Variants in STX2 observed in about 807,000 individuals in gnomAD.
STX2 encodes syntaxin-2.
Under a neutral mutation model 40.6 loss-of-function variants are expected in STX2, and 27 were observed. The observed-to-expected ratio is 0.66, with a 90% CI of 0.49 to 0.92. The LOEUF is 0.92. Among genes scored for constraint, STX2 ranks in the 40% least tolerant of loss-of-function variants. STX2 has a pLI of 0.00. For missense variants in STX2, 328 were observed against 366.1 expected, an observed-to-expected ratio of 0.90 and a Z score of 0.85; for synonymous variants, 123 against 119.1, an observed-to-expected ratio of 1.03 and a Z score of -0.22.
chr12:130,827,085 GA>G (rs1952345207), intron 2 of STX2, 107 bp downstream of exon 2: 2 of 538,044 alleles, frequency 3.7e-6, no homozygotes, highest in African/African-American at 2.6e-5. Context: ...GAGGGGTGGG[GA>G]GGGGAGGGGA....
At chr12:130,799,813 C>A (rs1951157304) in intron 8 of STX2, among the ~76,000 whole-genome samples, 2 of 137,138 alleles carry the variant, frequency 1.5e-5, no homozygotes, top group African/African-American at 2.7e-5. Context: ...GACCCTGTCT[C>A]AAAAAAAAAA....
At chr12:130,796,925 CG>C (rs1461236139) in intron 9 of STX2, among the ~76,000 whole-genome samples, 1 of 152,142 alleles carries the variant, frequency 6.6e-6, no homozygotes, top group Non-Finnish European at 1.5e-5. Context: ...CACATGGCTC[CG>C]CGGGAATAAA....
chr12:130,792,276 G>A (rs1391914024), intron 10 of STX2, among the ~76,000 whole-genome samples: 1 of 152,130 alleles, frequency 6.6e-6, no homozygotes, highest in Non-Finnish European at 1.5e-5. Context: ...GGCCAGGATA[G>A]TCTCGATCTC....
At chr12:130,835,924 T>C (rs1952742666) in intron 1 of STX2, among the ~76,000 whole-genome samples, 2 of 149,056 alleles carry the variant, frequency 1.3e-5, no homozygotes, top group Non-Finnish European at 2.9e-5. Context: ...TCCACGTAAC[T>C]GTCAGAGGCA....
In STX2 at chr12:130,818,185, A is replaced by AAAAAAAAATATAT; in HGVS notation, c.205+3503_205+3504insATATATTTTTTTT. 1.6e-3 allele frequency among the ~76,000 whole-genome samples: 114 copies of AAAAAAAAATATAT among 70,494 alleles called. 1 individual carries two copies. The highest frequency in any genetic ancestry group is 8.5e-3 in the Middle Eastern group (1 of 118). 46.2% of individuals were successfully genotyped at this position (70,494 alleles called of 152,430 possible). A position where few individuals can be genotyped will look rare whatever the true frequency, so the allele number is the denominator to read the frequency against. On this transcript the variant is annotated intron_variant, in intron 3 of 10. Transcript: ENST00000392373. Reference sequence around the variant, plus strand: ...GCTGTTTCTACAAAAAAAAAAAAAAAATATATATATATATATATATATATA... The same window carrying AAAAAAAAATATAT: ...GCTGTTTCTACAAAAAAAAAAAAAAAAAAAAAAATATATATATATATATATATATATATATATA...
Position 130,795,153 on chromosome 12 carries a change from C to T in STX2, c.*45+842G>A, listed in dbSNP as rs142609674. ...ACAGGCATGCTAACTAAATATAATA[C>T]GTAATTTTCCTTTTAATATTAAAGG... is the stretch of plus-strand genomic sequence containing the variant. On this transcript the variant is annotated intron_variant, in intron 10 of 10. Transcript: ENST00000392373. Among the ~76,000 whole-genome samples the T allele has an allele frequency of 2.2e-4, 33 of 152,242 alleles. No homozygotes were observed. The East Asian group carries it at 2.5e-3, about 12-fold the overall frequency.
intron 1 of STX2, among the ~76,000 whole-genome samples, chr12:130,834,482 G>A (rs184099471): frequency 2.0e-5 from 3 of 152,312 alleles, no homozygotes; most frequent in Non-Finnish European, 2.9e-5. Flanking sequence ...TCCGGAGGCA[G>A]GAGCAAATCC....
chr12:130,812,158 A>G (rs943761208), intron 4 of STX2: 5 of 240,120 alleles, frequency 2.1e-5, no homozygotes, highest in Non-Finnish European at 3.3e-5. Context: ...TTGGGACTCA[A>G]TTCAAGCAAA....
At chr12:130,825,163 A>T (rs1952256151) in intron 2 of STX2, among the ~76,000 whole-genome samples, 1 of 151,808 alleles carries the variant, frequency 6.6e-6, no homozygotes, top group Non-Finnish European at 1.5e-5. Context: ...CAGCCTCCCA[A>T]GCAGCTGGGA....
At chr12:130,823,987 G>C (rs918902233) in intron 2 of STX2, among the ~76,000 whole-genome samples, 2 of 152,150 alleles carry the variant, frequency 1.3e-5, no homozygotes, top group African/African-American at 4.8e-5. Context: ...GATCATCTTA[G>C]TATTACTTTG....
At chr12:130,800,262 G>A (rs1028100163) in intron 8 of STX2, among the ~76,000 whole-genome samples, 5 of 151,756 alleles carry the variant, frequency 3.3e-5, no homozygotes, top group South Asian at 2.1e-4. Context: ...TTTACATGGA[G>A]AGTTCAATAT....
chr12:130,819,242 G>A (rs1026475919), intron 3 of STX2, among the ~76,000 whole-genome samples: 7 of 152,194 alleles, frequency 4.6e-5, no homozygotes, highest in African/African-American at 1.4e-4. Flanking sequence ...CCTGCTCACC[G>A]GGACCTAAGC....
rs1028864526 is a variant in STX2 at position 130,791,798 on chromosome 12, C to A, written c.*225G>T. 3.8e-6 allele frequency: 4 copies of A among 1,044,128 alleles called. No individual in the cohort carries two copies. The highest frequency in any genetic ancestry group is 3.9e-5 in the Admixed American group (2 of 50,956). 64.7% of individuals were successfully genotyped at this position (1,044,128 alleles called of 1,614,324 possible). On this transcript the variant is annotated 3_prime_UTR_variant, in exon 11 of 11. Transcript: ENST00000392373. ...ACATTACAAGGTCAGCACTCGATGC[C>A]GGGTTACAGCGTCTGAGATTCATTC...
At position 130,812,945 on chromosome 12, in the gene STX2, C is replaced by T. The variant is rs1325062145; in HGVS notation, c.280+12G>A. 2 of 1,541,282 alleles carry T rather than the reference C, an allele frequency of 1.3e-6. No homozygotes were observed. Among genetic ancestry groups the T allele is most frequent in the African/African-American group, 2.8e-5 (2 of 71,622 alleles). On this transcript the variant is annotated intron_variant, in intron 4 of 10. Coordinates refer to ENST00000392373, the MANE Select transcript of STX2 (RefSeq NM_194356.4). ...CCAACATCAATAATTAAACATAAAA[C>T]TTCAAACTTACCCTTTAACTTGGCT...
chr12:130,801,080 G>T (rs781509811), intron 8 of STX2, 73 bp downstream of exon 8: 34 of 1,500,930 alleles, frequency 2.3e-5, no homozygotes, highest in Non-Finnish European at 3.1e-5. Flanking sequence ...ACATCCACTA[G>T]ACAGAGTGGG....
At chr12:130,797,945 A>G (rs772169301) in intron 9 of STX2, among the ~76,000 whole-genome samples, 35 of 152,194 alleles carry the variant, frequency 2.3e-4, no homozygotes, top group Non-Finnish European at 3.7e-4. Flanking sequence ...CACTGCATCA[A>G]ATGTGTAGCC....
chr12:130,815,606 G>A (rs1159749587), intron 3 of STX2, among the ~76,000 whole-genome samples: 2 of 152,306 alleles, frequency 1.3e-5, no homozygotes, highest in African/African-American at 2.4e-5. Flanking sequence ...CCGTGTCACC[G>A]CTCTGCATGG....
Position 130,829,226 on chromosome 12 carries a change from T to A in STX2, c.31-1959A>T, listed in dbSNP as rs188679127. Among the ~76,000 whole-genome samples the A allele has an allele frequency of 1.7e-4, 26 of 152,264 alleles. No individual in the cohort carries two copies. In the East Asian group the frequency reaches 4.4e-3, roughly 26 times the overall value. ...AGGTCTGACTTTACAAAACTTCCCA[T>A]CTTAACAACTGTACTATTACCATGT... On this transcript the variant is annotated intron_variant, in intron 1 of 10. Coordinates refer to ENST00000392373, the MANE Select transcript of STX2 (RefSeq NM_194356.4).
intron 7 of STX2, 35 bp downstream of exon 7, chr12:130,801,380 A>T (rs1951220068): frequency 1.3e-6 from 2 of 1,596,726 alleles, no homozygotes; most frequent in Non-Finnish European, 8.5e-7. Flanking sequence ...TCTACAGAAG[A>T]GGACATGGAG....
Sources: gnomAD v4.1 joint callset for allele counts (sites outside exome capture counted in the v4.1 genomes callset) on GRCh38, gnomAD v4.1.1 for gene constraint, MANE v1.5 for transcripts, NCBI Gene and HGNC (gene_info 2026-07-23, HGNC 2026-07-21) for gene names.